TANC1: variants seen among roughly 807,000 people sequenced by gnomAD.
TANC1 encodes tetratricopeptide repeat, ankyrin repeat and coiled-coil containing 1.
In TANC1, 77 loss-of-function variants were observed where a neutral mutation model predicts 149.7. The observed-to-expected ratio is 0.51, with a 90% CI of 0.43 to 0.62. The LOEUF (loss-of-function observed/expected upper bound fraction) is 0.62, where lower values mean the gene tolerates loss of function less well. Among genes scored for constraint, TANC1 ranks in the 20% least tolerant of loss-of-function variants. The probability of loss-of-function intolerance (pLI) is 0.00; values close to 1 mark genes in which losing one functional copy is unlikely to be tolerated. For synonymous variants in TANC1, 854 were observed against 925.0 expected (o/e 0.92, Z 1.39); for missense variants, 1,985 against 2,321.8 (o/e 0.85, Z 2.98).
intron 9 of TANC1, 32 bp downstream of exon 9, chr2:159,169,404 T>C (rs2054944595): frequency 1.2e-6 from 2 of 1,608,670 alleles, no homozygotes; most frequent in Non-Finnish European, 1.7e-6. Flanking sequence ...GCGATAATGG[T>C]TATGACTAAC....
At chr2:159,053,755 ATTGT>A (rs1383669219) in intron 2 of TANC1, among the ~76,000 whole-genome samples, 2 of 152,294 alleles carry the variant, frequency 1.3e-5, no homozygotes, top group African/African-American at 4.8e-5. Context: ...TAGGGGCAGC[ATTGT>A]TTGTATGACA....
intron 2 of TANC1, among the ~76,000 whole-genome samples, chr2:159,045,671 G>A (rs562885475): frequency 6.6e-6 from 1 of 152,126 alleles, no homozygotes; most frequent in Non-Finnish European, 1.5e-5. Context: ...AAAAATATTT[G>A]TATGGGGAGT....
intron 4 of TANC1, among the ~76,000 whole-genome samples, chr2:159,116,584 C>T (rs2048290340): frequency 6.6e-6 from 1 of 152,188 alleles, no homozygotes. Context: ...GCCACACAGT[C>T]CCTGTTGCGA....
At chr2:158,989,629 G>C (rs891585308) in intron 1 of TANC1, among the ~76,000 whole-genome samples, 2 of 139,754 alleles carry the variant, frequency 1.4e-5, no homozygotes, top group African/African-American at 5.3e-5. Flanking sequence ...AAAAAAAAAA[G>C]AATCTTTTTT....
chr2:159,020,469 A>T (rs1197096402), intron 2 of TANC1, among the ~76,000 whole-genome samples: 1 of 152,170 alleles, frequency 6.6e-6, no homozygotes, highest in Non-Finnish European at 1.5e-5. Context: ...CTTCAGAAAA[A>T]GTCCCACCAA....
intron 4 of TANC1, among the ~76,000 whole-genome samples, chr2:159,123,586 G>C (rs974679480): frequency 6.6e-6 from 1 of 152,022 alleles, no homozygotes; most frequent in African/African-American, 2.4e-5. Flanking sequence ...ATGGAATTCT[G>C]TGGTAGCCAC....
rs1160411588 is a variant in TANC1, at chr2:159,081,310, C to T, written c.61+15339C>T. ...CTGGCCCAAAGTGAGACTGTCCTTT[C>T]AATTAGAGAAGGGTACAGAGATAGT... On this transcript the variant is annotated intron_variant, in intron 3 of 26. Transcript: ENST00000263635. 5.3e-5 allele frequency among the ~76,000 whole-genome samples: 8 copies of T among 151,996 alleles called. No individual in the cohort carries two copies. In the East Asian group the frequency reaches 1.5e-3, roughly 29 times the overall value.
At chr2:159,089,080 G>A (rs528366791) in intron 3 of TANC1, among the ~76,000 whole-genome samples, 1 of 152,266 alleles carries the variant, frequency 6.6e-6, no homozygotes, top group East Asian at 1.9e-4. Context: ...GCACAGGGTG[G>A]AGATACAGAG....
chr2:159,194,869 TA>T (rs1377298096), intron 17 of TANC1, among the ~76,000 whole-genome samples: 1 of 152,172 alleles, frequency 6.6e-6, no homozygotes, highest in Non-Finnish European at 1.5e-5. Flanking sequence ...TATGTCCTTT[TA>T]AAACAGTAGG....
chr2:159,177,153 A>T (rs983751975), intron 13 of TANC1, among the ~76,000 whole-genome samples: 2 of 151,866 alleles, frequency 1.3e-5, no homozygotes, highest in African/African-American at 4.8e-5. Flanking sequence ...CAGGTGATCC[A>T]CCCACCTTGG....
chr2:159,230,338 G>T lies in TANC1; in HGVS notation c.4912G>T (p.Val1638Leu), dbSNP rs754296909. 6.2e-7 allele frequency: 1 copy of T among 1,614,116 alleles called. No individual in the cohort carries two copies. Among genetic ancestry groups the T allele is most frequent in the East Asian group, 2.2e-5 (1 of 44,864 alleles). ...GCTTCTGTCTCATTCCTCCGTGGCT[G>T]TGGACGCAGCCCCTCCAAACCAAGG... ...ERLLSHSSVA[V>L]DAAPPNQGGL... The change falls in exon 27 of 27, where the codon GTG becomes TTG. Residue 1638 changes from valine (V) to leucine (L), a missense_variant. This residue lies in a region of TANC1 where 920 missense variants were observed against 994.7 expected (regional missense o/e 0.92). Coordinates refer to ENST00000263635, the MANE Select transcript of TANC1 (RefSeq NM_033394.3). This position sits in a 1 kb window ranked among gnomAD's most constrained non-coding sequence, Gnocchi z 4.4.
At chr2:159,169,402 G>A (rs752464458) in intron 9 of TANC1, 30 bp downstream of exon 9, 1 of 1,608,734 alleles carries the variant, frequency 6.2e-7, no homozygotes, top group Non-Finnish European at 8.5e-7. Context: ...CTGCGATAAT[G>A]GTTATGACTA....
intron 2 of TANC1, among the ~76,000 whole-genome samples, chr2:159,026,227 C>T (rs946450582): frequency 6.6e-6 from 1 of 152,230 alleles, no homozygotes; most frequent in Non-Finnish European, 1.5e-5. Context: ...GCCACTGTGT[C>T]TGGCCTTGCT....
At chr2:159,186,706 C>A (rs2056993753) in intron 15 of TANC1, 196 bp from the exon 16 acceptor site, 1 of 597,126 alleles carries the variant, frequency 1.7e-6, no homozygotes, top group Non-Finnish European at 2.9e-6. Flanking sequence ...TGAAGGCAGG[C>A]TGGTTCCTTG....
intron 4 of TANC1, among the ~76,000 whole-genome samples, chr2:159,135,855 A>G (rs1159932076): frequency 6.6e-6 from 1 of 152,232 alleles, no homozygotes; most frequent in African/African-American, 2.4e-5. Flanking sequence ...TGTCAAAATC[A>G]CCCACTTGAC....
At position 159,227,716 on chromosome 2, in the gene TANC1, G is replaced by A. The variant is rs1050405250; in HGVS notation, c.3904-103G>A. 3.1e-6 allele frequency: 4 copies of A among 1,270,676 alleles called. No homozygotes were observed. In the African/African-American group the frequency reaches 4.6e-5, roughly 14 times the overall value. 78.7% of individuals were successfully genotyped at this position (1,270,676 alleles called of 1,614,324 possible). A position where few individuals can be genotyped will look rare whatever the true frequency, so the allele number is the denominator to read the frequency against. ...TGGATGCTTTCAATGTTCTGTCGTG[G>A]GTTTGCAGGGGGGAGTAAACTCCCC... On this transcript the variant is annotated intron_variant, in intron 24 of 26. Coordinates refer to ENST00000263635, the MANE Select transcript of TANC1 (RefSeq NM_033394.3).
chr2:159,182,476 G>A (rs1437931997), intron 14 of TANC1, among the ~76,000 whole-genome samples: 1 of 151,968 alleles, frequency 6.6e-6, no homozygotes, highest in African/African-American at 2.4e-5. Context: ...TTCACATCAG[G>A]ATCCAAAAAG....
At chr2:159,099,427 G>A (rs1574653216) in intron 4 of TANC1, among the ~76,000 whole-genome samples, 1 of 151,900 alleles carries the variant, frequency 6.6e-6, no homozygotes, top group Admixed American at 6.6e-5. Context: ...AGTATGCACA[G>A]TGTTTTACTT....
At chr2:159,140,451 G>A (rs1447406254) in intron 5 of TANC1, among the ~76,000 whole-genome samples, 3 of 152,098 alleles carry the variant, frequency 2.0e-5, no homozygotes, top group Non-Finnish European at 2.9e-5. Flanking sequence ...CTTGGAAGTA[G>A]AGTATCCATT....
Sources: allele counts gnomAD v4.1 joint callset (sites outside exome capture counted in the v4.1 genomes callset), GRCh38; gene constraint gnomAD v4.1.1; regional missense constraint gnomAD v4.1.1; non-coding constraint Gnocchi (gnomAD v3.1); transcripts MANE v1.5; gene names NCBI Gene and HGNC (gene_info 2026-07-23, HGNC 2026-07-21).